FAM168A: variants seen among roughly 807,000 people sequenced by gnomAD.
FAM168A encodes protein FAM168A.
FAM168A carries 3 observed loss-of-function variants against 28.5 expected under a neutral mutation model. The ratio of observed to expected loss-of-function variants is 0.11; its 90% confidence interval spans 0.05 to 0.27. The LOEUF is 0.27. FAM168A is among the 10% of genes least tolerant of loss of function. FAM168A has a pLI of 1.00. For synonymous variants in FAM168A, 122 were observed against 124.2 expected, an observed-to-expected ratio of 0.98 and a Z score of 0.12; for missense variants, 222 against 311.5, an observed-to-expected ratio of 0.71 and a Z score of 2.16.
chr11:73,508,541 G>T (rs760822808), intron 1 of FAM168A, among the ~76,000 whole-genome samples: 24 of 152,232 alleles, frequency 1.6e-4, no homozygotes, highest in Middle Eastern at 6.8e-3. Flanking sequence ...AGGTAGGTGC[G>T]TGCGTGCATG....
chr11:73,440,308 C>A (rs1867170433), intron 2 of FAM168A, among the ~76,000 whole-genome samples: 1 of 152,178 alleles, frequency 6.6e-6, no homozygotes, highest in South Asian at 2.1e-4. Flanking sequence ...GACACCCCCA[C>A]CCCACACCTC....
Position 73,419,046 on chromosome 11 carries a change from G to A in FAM168A, c.277+828C>T, listed in dbSNP as rs145199194. On this transcript the variant is annotated intron_variant, in intron 4 of 7. Coordinates refer to ENST00000356467, the MANE Select transcript of FAM168A (RefSeq NM_015159.3). ...AGGATGGTCTCAATCTCCTGACCTC[G>A]TGATCCGCCCACCTTGGCCTCCCAA... is the stretch of plus-strand genomic sequence containing the variant. Among the ~76,000 whole-genome samples, 911 of 152,130 alleles carry A rather than the reference G, an allele frequency of 6.0e-3. 6 individuals are homozygous for A. The highest frequency in any genetic ancestry group is 0.02 in the African/African-American group (836 of 41,504).
At position 73,512,892 on chromosome 11, in the gene FAM168A, C is replaced by T. The variant is rs115292948; in HGVS notation, c.-18-44400G>A. ...TAGTTGAATTGAACTGAAAAATATG[C>T]CCATTTATTAATTTAATCCCTGACC... On this transcript the variant is annotated intron_variant, in intron 1 of 7. Transcript: ENST00000356467. 2.1e-3 allele frequency among the ~76,000 whole-genome samples: 319 copies of T among 152,188 alleles called. 1 individual carries two copies. Among genetic ancestry groups the T allele is most frequent in the African/African-American group, 7.2e-3 (301 of 41,518 alleles).
chr11:73,542,350 A>G (rs546589254), intron 1 of FAM168A, among the ~76,000 whole-genome samples: 31 of 152,300 alleles, frequency 2.0e-4, no homozygotes, highest in Admixed American at 1.4e-3. Flanking sequence ...TCCCAACTCT[A>G]TAAGTGGCAA....
chr11:73,596,363 T>C (rs1210474629), intron 1 of FAM168A, among the ~76,000 whole-genome samples: 1 of 152,202 alleles, frequency 6.6e-6, no homozygotes, highest in Admixed American at 6.5e-5. Context: ...TTCTCCCACC[T>C]TTAGTTTGGA....
chr11:73,460,498 G>GTTTTTTTTTTTTTT (rs1565255375), intron 2 of FAM168A, among the ~76,000 whole-genome samples: 1 of 136,068 alleles, frequency 7.3e-6, no homozygotes, highest in African/African-American at 2.8e-5. Flanking sequence ...GGCTACTAAT[G>GTTTTTTTTTTTTTT]CTTTTTTTTT....
At position 73,436,163 on chromosome 11, in the gene FAM168A, G is replaced by A. The variant is rs576418391; in HGVS notation, c.71-5393C>T. Among the ~76,000 whole-genome samples, 66 of 152,266 alleles carry A rather than the reference G, an allele frequency of 4.3e-4. No individual in the cohort carries two copies. The South Asian group carries it at 4.6e-3, about 11-fold the overall frequency. Reference sequence around the variant, plus strand: ...ATCAGGTATTCTGGGATTTTGATGTGTACATTTTAATTGCTTTATAGATGT... The same window carrying A: ...ATCAGGTATTCTGGGATTTTGATGTATACATTTTAATTGCTTTATAGATGT... On this transcript the variant is annotated intron_variant, in intron 2 of 7. Transcript: ENST00000356467.
chr11:73,590,058 ATAT>A (rs1468057881), intron 1 of FAM168A, among the ~76,000 whole-genome samples: 1 of 152,218 alleles, frequency 6.6e-6, no homozygotes, highest in Admixed American at 6.5e-5. Context: ...TAAATGTAAA[ATAT>A]TATTCTAATT....
rs533893990 is a variant in FAM168A at position 73,550,020 on chromosome 11, G to A, written c.-19+47903C>T. 7.6e-4 allele frequency among the ~76,000 whole-genome samples: 115 copies of A among 152,216 alleles called. 4 individuals are homozygous for A. Among genetic ancestry groups the A allele is most frequent in the Non-Finnish European group, 1.3e-4 (9 of 68,018 alleles). On this transcript the variant is annotated intron_variant, in intron 1 of 7. Coordinates refer to ENST00000356467, the MANE Select transcript of FAM168A (RefSeq NM_015159.3). The stretch of plus-strand genomic sequence containing the variant: ...TGGCAGAAATAAAAATAAGAAGACT[G>A]GTTAAAATTTATCATACTTTTTATC...
intron 2 of FAM168A, among the ~76,000 whole-genome samples, chr11:73,445,097 TA>T (rs1365544768): frequency 4.6e-5 from 7 of 152,016 alleles, no homozygotes; most frequent in Non-Finnish European, 7.4e-5. Flanking sequence ...CTGTCTCTAC[TA>T]AAAGTACAAA....
chr11:73,590,139 T>C (rs79988606), intron 1 of FAM168A, among the ~76,000 whole-genome samples: 13,805 of 151,778 alleles, frequency 0.091, 1,802 homozygotes, highest in African/African-American at 0.29. Context: ...CAGTGGCTCA[T>C]GCCTGTAATC....
chr11:73,590,423 T>G (rs191832522), intron 1 of FAM168A, among the ~76,000 whole-genome samples: 1 of 152,288 alleles, frequency 6.6e-6, no homozygotes, highest in Admixed American at 6.5e-5. Context: ...ACCAAAATGT[T>G]TGAGAAACTG....
rs911011376 is a variant in FAM168A, at chr11:73,477,269, G to T, written c.-18-8777C>A. Among the ~76,000 whole-genome samples, 7 of 151,970 alleles carry T rather than the reference G, an allele frequency of 4.6e-5. No individual in the cohort carries two copies. The East Asian group carries it at 1.3e-3, about 29-fold the overall frequency. ...CAAAAAAAAGTCAGGTACTATGCTCGCTACCTGGGTGATGAAATCATTTGT... is the reference window on the plus strand; with the variant it reads ...CAAAAAAAAGTCAGGTACTATGCTCTCTACCTGGGTGATGAAATCATTTGT... On this transcript the variant is annotated intron_variant, in intron 1 of 7. Transcript: ENST00000356467.
intron 1 of FAM168A, among the ~76,000 whole-genome samples, chr11:73,552,708 A>C (rs1408382693): frequency 6.6e-6 from 1 of 152,192 alleles, no homozygotes; most frequent in African/African-American, 2.4e-5. Context: ...TGTAATCTCA[A>C]CACTTTGGGA....
chr11:73,536,425 C>T (rs924560109), intron 1 of FAM168A, among the ~76,000 whole-genome samples: 8 of 152,196 alleles, frequency 5.3e-5, no homozygotes, highest in African/African-American at 1.7e-4. Flanking sequence ...CGGTAGATCA[C>T]GCCTGTAATC....
chr11:73,548,101 G>A (rs1943782447), intron 1 of FAM168A, among the ~76,000 whole-genome samples: 1 of 152,124 alleles, frequency 6.6e-6, no homozygotes. Flanking sequence ...AGGGAGAGTT[G>A]TTGTTCAATG....
chr11:73,578,774 T>C (rs540360070), intron 1 of FAM168A, among the ~76,000 whole-genome samples: 2 of 152,326 alleles, frequency 1.3e-5, no homozygotes, highest in African/African-American at 4.8e-5. Context: ...AACAGTAAAG[T>C]CTTTGGCATC....
At chr11:73,428,913 C>A (rs1866936370) in intron 3 of FAM168A, among the ~76,000 whole-genome samples, 1 of 152,156 alleles carries the variant, frequency 6.6e-6, no homozygotes, top group East Asian at 1.9e-4. Flanking sequence ...TTGGGCATAA[C>A]AGAGTGGGTC....
chr11:73,467,529 A>G (rs1227115170), intron 2 of FAM168A, among the ~76,000 whole-genome samples: 2 of 152,144 alleles, frequency 1.3e-5, no homozygotes, highest in African/African-American at 4.8e-5. Flanking sequence ...GACAAAGTCA[A>G]TTCCCCTTCC....
Sources: gnomAD v4.1 joint callset for allele counts (sites outside exome capture counted in the v4.1 genomes callset) on GRCh38, gnomAD v4.1.1 for gene constraint, MANE v1.5 for transcripts, NCBI Gene and HGNC (gene_info 2026-07-23, HGNC 2026-07-21) for gene names.